Variants in TBX5 observed in about 807,000 individuals in gnomAD.
TBX5 encodes T-box transcription factor TBX5.
A neutral mutation model predicts 51.1 loss-of-function variants in TBX5; 8 were observed. The observed-to-expected ratio is 0.16, with a 90% confidence interval of 0.09 to 0.28. The LOEUF (loss-of-function observed/expected upper bound fraction) is 0.28. Among genes scored for constraint, TBX5 ranks in the 10% least tolerant of loss-of-function variants. TBX5 has a pLI of 1.00. For synonymous variants in TBX5, 302 were observed against 266.4 expected (o/e 1.13, Z -1.30); for missense variants, 589 against 671.7 (o/e 0.88, Z 1.36).
At chr12:114,407,354 G>C (rs1428273570), upstream of TBX5, among the ~76,000 whole-genome samples, 1 of 152,196 alleles carries the variant, frequency 6.6e-6, no homozygotes, top group Non-Finnish European at 1.5e-5. Context: ...CTTTAGGCTT[G>C]CTGGCAAGGC....
intron 7 of TBX5, among the ~76,000 whole-genome samples, chr12:114,384,386 C>A (rs1032550915): frequency 6.6e-6 from 1 of 152,082 alleles, no homozygotes; most frequent in Non-Finnish European, 1.5e-5. Context: ...AGAAATCCTC[C>A]TGCCTCGGCC....
Position 114,366,638 on chromosome 12 carries a change from A to G in TBX5, c.756-247T>C, listed in dbSNP as rs912076168. Among the ~76,000 whole-genome samples the G allele has an allele frequency of 2.6e-4, 40 of 152,250 alleles. 1 individual carries two copies. The highest frequency in any genetic ancestry group is 1.3e-4 in the Non-Finnish European group (9 of 68,046). ...TTTACCAACAGTTCTATACCTCAGCAGAAAAGTAAATAAACACCCCCAGTT... is the reference window on the plus strand; with the variant it reads ...TTTACCAACAGTTCTATACCTCAGCGGAAAAGTAAATAAACACCCCCAGTT... On this transcript the variant is annotated intron_variant, in intron 7 of 8. Transcript: ENST00000405440.
At chr12:114,396,230 C>A (rs1256408587) in intron 5 of TBX5, among the ~76,000 whole-genome samples, 3 of 151,844 alleles carry the variant, frequency 2.0e-5, no homozygotes, top group Non-Finnish European at 2.9e-5. Flanking sequence ...TCTCCGGCCG[C>A]CGTGGCCCGG....
At chr12:114,401,647 C>T (rs917605460) in intron 3 of TBX5, among the ~76,000 whole-genome samples, 179 bp downstream of exon 3, 8 of 152,118 alleles carry the variant, frequency 5.3e-5, no homozygotes, top group African/African-American at 1.9e-4. Flanking sequence ...TCTCCTTGTG[C>T]CTCTTTAACC....
In TBX5 at chr12:114,398,661, G is replaced by C. The variant is rs1871581681; in HGVS notation, c.422C>G (p.Ser141Cys). Reference sequence around the variant, plus strand: ...CATCCAATGCGCCCCGGTGGCGGGGGAGTCTGGGTGCACGTACAGGCGGCC... The same window carrying C: ...CATCCAATGCGCCCCGGTGGCGGGGCAGTCTGGGTGCACGTACAGGCGGCC... The part of the protein sequence containing the change: ...MPGRLYVHPD[S>C]PATGAHWMRQ... The change falls in exon 5 of 9, where the codon TCC becomes TGC. Residue 141 changes from serine to cysteine, a missense_variant. Physicochemically the swap from Ser to Cys is moderately radical, Grantham distance 112. This residue lies in a region of TBX5 where 85 missense variants were observed against 95.6 expected (regional missense o/e 0.89). Coordinates refer to ENST00000405440, the MANE Select transcript of TBX5 (RefSeq NM_181486.4). 3 of 1,613,088 alleles carry C rather than the reference G, an allele frequency of 1.9e-6. No homozygotes were observed. The highest frequency in any genetic ancestry group is 2.5e-6 in the Non-Finnish European group (3 of 1,179,714).
chr12:114,390,177 A>G lies in TBX5; in HGVS notation c.663+4564T>C, dbSNP rs1871081655. On this transcript the variant is annotated intron_variant, in intron 6 of 8. Coordinates refer to ENST00000405440, the MANE Select transcript of TBX5 (RefSeq NM_181486.4). ...ACGTAACTTCTTTTGGAAACTGATT[A>G]TAGATGCCTATATGACCTAAGAATT... 2.6e-5 allele frequency among the ~76,000 whole-genome samples: 4 copies of G among 152,364 alleles called. No homozygotes were observed. In the South Asian group the frequency reaches 8.3e-4, roughly 32 times the overall value.
At chr12:114,357,015 G>C (rs1265753022) in intron 8 of TBX5, among the ~76,000 whole-genome samples, 1 of 151,858 alleles carries the variant, frequency 6.6e-6, no homozygotes, top group Non-Finnish European at 1.5e-5. Flanking sequence ...TGGATGGATG[G>C]ATGGATGGAT....
At chr12:114,378,624 T>TTGTTG (rs1317303648) in intron 7 of TBX5, among the ~76,000 whole-genome samples, 192 of 151,526 alleles carry the variant, frequency 1.3e-3, no homozygotes, top group African/African-American at 4.3e-3. Context: ...GTTTTCTGTT[T>TTGTTG]TGTTTTGTTT....
chr12:114,373,699 C>T (rs1422744521), intron 7 of TBX5, among the ~76,000 whole-genome samples: 1 of 152,132 alleles, frequency 6.6e-6, no homozygotes, highest in Non-Finnish European at 1.5e-5. Context: ...CCTTGTGATC[C>T]GCCCACCTCG....
intron 3 of TBX5, 89 bp downstream of exon 3, chr12:114,401,733 TTTCC>T: frequency 8.5e-7 from 1 of 1,174,954 alleles, no homozygotes. Flanking sequence ...CTTTTGCCCC[TTTCC>T]TTCCTTCTTC....
chr12:114,356,223 A>T (rs1235162025), intron 8 of TBX5, 117 bp from the exon 9 acceptor site: 15 of 999,886 alleles, frequency 1.5e-5, no homozygotes, highest in Non-Finnish European at 2.2e-5. Flanking sequence ...GTTAGCCCTA[A>T]CCGCCATTCT....
Position 114,366,417 on chromosome 12 carries a change from C to A in TBX5, c.756-26G>T, listed in dbSNP as rs78344365. The stretch of plus-strand genomic sequence containing the variant: ...CTGAAAGAGAAAAGATGGGAGATAA[C>A]GCCTATCAGTGCCCTGATACAGATT... On this transcript the variant is annotated intron_variant, in intron 7 of 8. Coordinates refer to ENST00000405440, the MANE Select transcript of TBX5 (RefSeq NM_181486.4). 1,323 of 1,609,368 alleles carry A rather than the reference C, an allele frequency of 8.2e-4. 4 individuals are homozygous for A. In the African/African-American group the frequency reaches 0.013, roughly 16 times the overall value.
chr12:114,392,918 A>T (rs1446939502), intron 6 of TBX5, among the ~76,000 whole-genome samples: 1 of 152,104 alleles, frequency 6.6e-6, no homozygotes, highest in East Asian at 1.9e-4. Flanking sequence ...TACCCATTTA[A>T]AAAGGAATGG....
intron 3 of TBX5, among the ~76,000 whole-genome samples, chr12:114,399,904 T>C (rs1871700251): frequency 6.6e-6 from 1 of 152,230 alleles, no homozygotes; most frequent in Non-Finnish European, 1.5e-5. Flanking sequence ...GAACGGGTTT[T>C]GAAGATGCTT....
At chr12:114,399,028 G>A (rs757475591) in intron 4 of TBX5, among the ~76,000 whole-genome samples, 2 of 152,160 alleles carry the variant, frequency 1.3e-5, no homozygotes, top group African/African-American at 4.8e-5. Context: ...GGCTTTCAAC[G>A]GGGGTTTCAT....
intron 6 of TBX5, among the ~76,000 whole-genome samples, chr12:114,392,811 A>T (rs1871233910): frequency 6.6e-6 from 1 of 152,178 alleles, no homozygotes; most frequent in South Asian, 2.1e-4. Context: ...GACAGACTCA[A>T]ATTGGCCTGA....
At chr12:114,367,519 T>C (rs1869613647) in intron 7 of TBX5, among the ~76,000 whole-genome samples, 1 of 152,090 alleles carries the variant, frequency 6.6e-6, no homozygotes. Flanking sequence ...TCATACCAGG[T>C]GTTCCCATTT....
chr12:114,357,640 C>T (rs1868997843), intron 8 of TBX5, among the ~76,000 whole-genome samples: 1 of 152,234 alleles, frequency 6.6e-6, no homozygotes, highest in Admixed American at 6.5e-5. Flanking sequence ...ACCAGTCAGG[C>T]TCATGGCAGA....
At chr12:114,372,792 G>A (rs975464585) in intron 7 of TBX5, among the ~76,000 whole-genome samples, 2 of 152,028 alleles carry the variant, frequency 1.3e-5, no homozygotes, top group Non-Finnish European at 2.9e-5. Flanking sequence ...CTCAGGCTCC[G>A]ATGTCAGGCC....
Sources: allele counts gnomAD v4.1 joint callset (sites outside exome capture counted in the v4.1 genomes callset), GRCh38; gene constraint gnomAD v4.1.1; regional missense constraint gnomAD v4.1.1; transcripts MANE v1.5; gene names NCBI Gene and HGNC (gene_info 2026-07-23, HGNC 2026-07-21).